The following KLHL12 variants were observed in gnomAD, a reference collection of about 807,000 sequenced individuals.
KLHL12 encodes kelch like family member 12.
Under a neutral mutation model 60.8 loss-of-function variants are expected in KLHL12, and 17 were observed. That is an observed-to-expected ratio of 0.28 (90% CI 0.19 to 0.42). The LOEUF (loss-of-function observed/expected upper bound fraction) is 0.42, where lower values mean the gene tolerates loss of function less well. KLHL12 is among the 10% of genes least tolerant of loss of function. KLHL12 has a pLI of 1.00. For missense variants in KLHL12, 468 were observed against 722.3 expected (o/e 0.65, Z 4.04); for synonymous variants, 220 against 250.9 (o/e 0.88, Z 1.16).
Position 202,925,183 on chromosome 1 carries a change from C to G in KLHL12, c.-21G>C. On this transcript the variant is annotated 5_prime_UTR_variant, in exon 2 of 12. Coordinates refer to ENST00000367261, the MANE Select transcript of KLHL12 (RefSeq NM_021633.4). ...CCCATAAAGCAGTGCGGAGAAAGAA[C>G]AAAATGGGTCCTTGGATTCTGCAAC... 1 of 1,612,210 alleles carries G rather than the reference C, an allele frequency of 6.2e-7. No individual in the cohort carries two copies. The highest frequency in any genetic ancestry group is 8.5e-7 in the Non-Finnish European group (1 of 1,179,212).
chr1:202,913,697 C>T (rs866119071), intron 4 of KLHL12, among the ~76,000 whole-genome samples: 1 of 152,024 alleles, frequency 6.6e-6, no homozygotes, highest in Non-Finnish European at 1.5e-5. Context: ...GAAGGCCTCC[C>T]GGAAGAAGCA....
At chr1:202,902,592 A>G (rs1312236632) in intron 6 of KLHL12, among the ~76,000 whole-genome samples, 2 of 152,230 alleles carry the variant, frequency 1.3e-5, no homozygotes, top group Non-Finnish European at 2.9e-5. Context: ...GGTTATAAAC[A>G]ATCACATAAA....
intron 6 of KLHL12, among the ~76,000 whole-genome samples, chr1:202,903,949 C>A (rs1287454787): frequency 6.6e-6 from 1 of 151,812 alleles, no homozygotes; most frequent in East Asian, 1.9e-4. Context: ...GCTCTTTACA[C>A]ACAAATGGTT....
intron 7 of KLHL12, 148 bp downstream of exon 7, chr1:202,896,706 G>A (rs1009717549): frequency 2.1e-5 from 15 of 697,838 alleles, no homozygotes; most frequent in Non-Finnish European, 3.6e-5. Context: ...AAACTGTTAA[G>A]TAAGTACCTA....
chr1:202,896,183 G>A (rs980069070), intron 7 of KLHL12, among the ~76,000 whole-genome samples: 20 of 152,076 alleles, frequency 1.3e-4, no homozygotes, highest in Admixed American at 1.0e-3. Context: ...TGCTGAGGGA[G>A]ACAGATACAA....
In KLHL12 at chr1:202,891,520, T is replaced by C. The variant is rs536598906; in HGVS notation, c.*1013A>G. On this transcript the variant is annotated 3_prime_UTR_variant, in exon 12 of 12. Coordinates refer to ENST00000367261, the MANE Select transcript of KLHL12 (RefSeq NM_021633.4). Reference sequence around the variant, plus strand: ...CTAAAAGAATGGGGCAGTAATCAGGTAGCTGAACTACTAGGCTACTGTCAC... The same window carrying C: ...CTAAAAGAATGGGGCAGTAATCAGGCAGCTGAACTACTAGGCTACTGTCAC... 2 of 152,440 alleles carry C rather than the reference T, an allele frequency of 1.3e-5. No homozygotes were observed. Among genetic ancestry groups the C allele is most frequent in the East Asian group, 1.9e-4 (1 of 5,182 alleles). 9.4% of individuals were successfully genotyped at this position (152,440 alleles called of 1,614,324 possible). A position where few individuals can be genotyped will look rare whatever the true frequency, so the allele number is the denominator to read the frequency against.
In KLHL12 at chr1:202,919,999, A is replaced by G. The variant is rs571141478; in HGVS notation, c.196-91T>C. The G allele has an allele frequency of 1.1e-5, 12 of 1,131,594 alleles. No individual in the cohort carries two copies. In the Admixed American group the frequency reaches 1.3e-4, roughly 12 times the overall value. 70.1% of individuals were successfully genotyped at this position (1,131,594 alleles called of 1,614,324 possible). ...ATCTAAGAGCTTAGAGATGTTAATA[A>G]TATTAATTGAACATTTATCTTTAAA... On this transcript the variant is annotated intron_variant, in intron 2 of 11. Transcript: ENST00000367261.
At chr1:202,892,760 T>C in intron 11 of KLHL12, 101 bp from the exon 12 acceptor site, 1 of 1,303,708 alleles carries the variant, frequency 7.7e-7, no homozygotes, top group South Asian at 1.4e-5. Context: ...GAGGATTGCT[T>C]AAGCCCAGGA....
intron 6 of KLHL12, among the ~76,000 whole-genome samples, chr1:202,908,024 G>C (rs966529633): frequency 6.6e-6 from 1 of 152,032 alleles, no homozygotes; most frequent in Non-Finnish European, 1.5e-5. Context: ...TCAGATAAAA[G>C]GAAACAATAA....
chr1:202,915,347 G>T (rs891961473), intron 4 of KLHL12, among the ~76,000 whole-genome samples: 2 of 152,116 alleles, frequency 1.3e-5, no homozygotes, highest in Non-Finnish European at 2.9e-5. Context: ...TATTTAATAA[G>T]AGGGAGCAAT....
intron 6 of KLHL12, among the ~76,000 whole-genome samples, chr1:202,897,925 C>T (rs1383111735): frequency 6.6e-6 from 1 of 152,096 alleles, no homozygotes; most frequent in African/African-American, 2.4e-5. Context: ...TATATGATCA[C>T]ATTCCCTGCC....
chr1:202,895,665 A>G lies in KLHL12; in HGVS notation c.992T>C (p.Ile331Thr). The part of the protein sequence containing the change: ...YVASVSLHDR[I>T]YVIGGYDGRS... ...GCCATCATAGCCACCAATGACGTAG[A>G]TCCGGTCATGAAGGGACACTGAGGC... is the stretch of plus-strand genomic sequence containing the variant. Residue 331 changes from isoleucine to threonine, a missense_variant, in exon 8 of 12, where the codon ATC (isoleucine) becomes ACC (threonine). By Grantham distance (89) the Ile-to-Thr change is moderately conservative. This residue lies in a region of KLHL12 where 339 missense variants were observed against 525.0 expected (regional missense o/e 0.65). Transcript: ENST00000367261. The surrounding 1 kb of genome is among the most constrained non-coding windows in gnomAD (Gnocchi z 4.2). 1 of 1,614,164 alleles carries G rather than the reference A, an allele frequency of 6.2e-7. No homozygotes were observed. Among genetic ancestry groups the G allele is most frequent in the Non-Finnish European group, 8.5e-7 (1 of 1,180,012 alleles).
Position 202,894,628 on chromosome 1 carries a change from G to A in KLHL12, c.1257C>T (p.Ala419=), listed in dbSNP as rs747670995. The A allele has an allele frequency of 9.9e-6, 16 of 1,613,936 alleles. No homozygotes were observed. The highest frequency in any genetic ancestry group is 1.6e-4 in the Middle Eastern group (1 of 6,084). The part of the protein sequence containing the change: ...LGDMQTAREG[A]GLVVASGVIY... ...TCACTCCACTGGCCACTACGAGTCC[G>A]GCACCTTCCCGGGCTGTCTGCATAT... Residue 419 remains alanine, a synonymous_variant, in exon 9 of 12, where the codon GCC becomes GCT. Coordinates refer to ENST00000367261, the MANE Select transcript of KLHL12 (RefSeq NM_021633.4).
intron 1 of KLHL12, among the ~76,000 whole-genome samples, chr1:202,926,745 A>C (rs1653578621): frequency 6.6e-6 from 1 of 152,192 alleles, no homozygotes; most frequent in African/African-American, 2.4e-5. Flanking sequence ...ACTTTCGTTA[A>C]CATCTGAATG....
intron 6 of KLHL12, among the ~76,000 whole-genome samples, chr1:202,901,095 G>A (rs1272405087): frequency 6.6e-6 from 1 of 152,072 alleles, no homozygotes; most frequent in African/African-American, 2.4e-5. Context: ...ATTTCATTCA[G>A]GCACCTTTTG....
rs766148239 is a variant in KLHL12 at position 202,925,011 on chromosome 1, A to C, written c.152T>G (p.Leu51Arg). Residue 51 changes from leucine to arginine, a missense_variant, in exon 2 of 12, where the codon CTG (leucine) becomes CGG (arginine). Transcript: ENST00000367261. ...ACAGAAGTAATCACTACAGGCAGCC[A>C]GCACAATCCGATGGGCAGGGAAGTC... ...QKDFPAHRIV[L>R]AACSDYFCAM... The C allele has an allele frequency of 1.9e-6, 3 of 1,614,220 alleles. No homozygotes were observed. The highest frequency in any genetic ancestry group is 2.5e-6 in the Non-Finnish European group (3 of 1,180,034).
chr1:202,915,544 T>C (rs1660498837), intron 4 of KLHL12, among the ~76,000 whole-genome samples: 1 of 152,258 alleles, frequency 6.6e-6, no homozygotes. Flanking sequence ...TAGTTATTTG[T>C]TCTCTCTGCC....
chr1:202,922,864 AAGAG>A (rs556064563), intron 2 of KLHL12, among the ~76,000 whole-genome samples: 82 of 151,622 alleles, frequency 5.4e-4, no homozygotes, highest in Middle Eastern at 3.4e-3. Flanking sequence ...GGAAAAAAAA[AAGAG>A]AGAGAGAGAG....
rs1318370030 is a variant in KLHL12 at position 202,896,836 on chromosome 1, G to C, written c.939+18C>G. On this transcript the variant is annotated intron_variant, in intron 7 of 11. Coordinates refer to ENST00000367261, the MANE Select transcript of KLHL12 (RefSeq NM_021633.4). ...ACATTTAACATCCCTCCCAACGAATGGTTTCACCATTATTTACTGGCAAAA... is the reference window on the plus strand; with the variant it reads ...ACATTTAACATCCCTCCCAACGAATCGTTTCACCATTATTTACTGGCAAAA... 2 of 1,570,478 alleles carry C rather than the reference G, an allele frequency of 1.3e-6. No homozygotes were observed. The highest frequency in any genetic ancestry group is 3.3e-5 in the Admixed American group (2 of 59,966).
Sources: allele counts gnomAD v4.1 joint callset (sites outside exome capture counted in the v4.1 genomes callset), GRCh38; gene constraint gnomAD v4.1.1; regional missense constraint gnomAD v4.1.1; non-coding constraint Gnocchi (gnomAD v3.1); transcripts MANE v1.5; gene names NCBI Gene and HGNC (gene_info 2026-07-23, HGNC 2026-07-21).